The following VAV1 variants were observed in gnomAD, a reference collection of about 807,000 sequenced individuals.
VAV1 encodes the protein vav guanine nucleotide exchange factor 1, also known as proto-oncogene vav.
Under a neutral mutation model 128.1 loss-of-function variants are expected in VAV1, and 33 were observed. That is an observed-to-expected ratio of 0.26 (90% CI 0.20 to 0.34). The LOEUF (loss-of-function observed/expected upper bound fraction) is 0.34. Ranked by LOEUF, VAV1 falls within the 10% of genes least tolerant of loss-of-function variation. The pLI, the probability that VAV1 is intolerant of heterozygous loss-of-function variation, is 1.00. For missense variants in VAV1, 715 were observed against 1,093.7 expected, an observed-to-expected ratio of 0.65 and a Z score of 4.88; for synonymous variants, 394 against 409.8, an observed-to-expected ratio of 0.96 and a Z score of 0.47.
intron 8 of VAV1, 33 bp downstream of exon 8, chr19:6,825,439 G>A (rs1403851961): frequency 6.3e-7 from 1 of 1,578,830 alleles, no homozygotes; most frequent in Non-Finnish European, 8.7e-7. Context: ...GAAGCTCTGG[G>A]GTCACTCTGT....
chr19:6,826,831 CA>C lies in VAV1; in HGVS notation c.927+123del, dbSNP rs1971930403. 2 of 796,180 alleles carry C rather than the reference CA, an allele frequency of 2.5e-6. No individual in the cohort carries two copies. The highest frequency in any genetic ancestry group is 4.1e-6 in the Non-Finnish European group (2 of 482,888). The allele number at this position is 796,180 out of a possible 1,614,324, so 49.3% of individuals were successfully genotyped here. On this transcript the variant is annotated intron_variant, in intron 9 of 26. Transcript: ENST00000602142. The surrounding 1 kb of genome is among the most constrained non-coding windows in gnomAD (Gnocchi z 4.1). ...TGCTGCAGCCCAGCCAGAGATCCAC[CA>C]AAGGACTAGGGAGGGAGGTACTAGC...
chr19:6,774,049 G>T (rs1403104743), intron 1 of VAV1, among the ~76,000 whole-genome samples: 1 of 152,142 alleles, frequency 6.6e-6, no homozygotes, highest in African/African-American at 2.4e-5. Flanking sequence ...GCCCATGGGG[G>T]TTCCTGGCGG....
At chr19:6,829,099 A>G (rs542489991) in intron 13 of VAV1, among the ~76,000 whole-genome samples, 199 bp downstream of exon 13, 1 of 148,378 alleles carries the variant, frequency 6.7e-6, no homozygotes, top group South Asian at 2.1e-4. Flanking sequence ...CCAGGCTTCT[A>G]GATAGGCAGA....
In VAV1 at chr19:6,832,209, C is replaced by A. The variant is rs745605832; in HGVS notation, c.1508+9C>A. 10 of 1,613,154 alleles carry A rather than the reference C, an allele frequency of 6.2e-6. No homozygotes were observed. The highest frequency in any genetic ancestry group is 4.5e-5 in the East Asian group (2 of 44,864). On this transcript the variant is annotated intron_variant, in intron 15 of 26. Coordinates refer to ENST00000602142, the MANE Select transcript of VAV1 (RefSeq NM_005428.4). ...CAGTTTGAGATGGCCATGTGAGTCCCCGTCTTCCTCCCTCTTTCTGTCCAC... is the reference window on the plus strand; with the variant it reads ...CAGTTTGAGATGGCCATGTGAGTCCACGTCTTCCTCCCTCTTTCTGTCCAC...
intron 1 of VAV1, among the ~76,000 whole-genome samples, chr19:6,815,175 T>A (rs1971619826): frequency 6.6e-6 from 1 of 152,020 alleles, no homozygotes; most frequent in Non-Finnish European, 1.5e-5. Flanking sequence ...TGAGACAGGG[T>A]CTCATTGTGT....
At chr19:6,805,532 AG>A (rs1395388987) in intron 1 of VAV1, among the ~76,000 whole-genome samples, 1 of 151,102 alleles carries the variant, frequency 6.6e-6, no homozygotes, top group African/African-American at 2.4e-5. Flanking sequence ...ACTTGAGCCC[AG>A]GGGTTCGAGA....
intron 1 of VAV1, among the ~76,000 whole-genome samples, chr19:6,774,350 G>A (rs139972688): frequency 8.6e-4 from 128 of 148,752 alleles, no homozygotes; most frequent in African/African-American, 3.1e-3. Flanking sequence ...GGATGGTCTC[G>A]ATCTCCCGAC....
chr19:6,811,212 T>C (rs1203654230), intron 1 of VAV1, among the ~76,000 whole-genome samples: 1 of 152,116 alleles, frequency 6.6e-6, no homozygotes, highest in African/African-American at 2.4e-5. Flanking sequence ...ATTTTTGTAT[T>C]TTTAGTAGAG....
Position 6,828,325 on chromosome 19 carries a change from T to C in VAV1, c.1024-94T>C, listed in dbSNP as rs1214087331. The C allele has an allele frequency of 1.9e-6, 3 of 1,554,410 alleles. No individual in the cohort carries two copies. Among genetic ancestry groups the C allele is most frequent in the Non-Finnish European group, 2.7e-6 (3 of 1,131,286 alleles). ...TCAGCCTCCAGGGTCAGCAGTACGA[T>C]GGAGGAGCTGGTGAGCTAGCATTGT... On this transcript the variant is annotated intron_variant, in intron 10 of 26. Transcript: ENST00000602142. The surrounding 1 kb of genome is among the most constrained non-coding windows in gnomAD (Gnocchi z 4.5).
Position 6,780,883 on chromosome 19 carries a change from T to C in VAV1, c.204+7872T>C, listed in dbSNP as rs1013654573. Among the ~76,000 whole-genome samples, 10 of 149,984 alleles carry C rather than the reference T, an allele frequency of 6.7e-5. 2 individuals are homozygous for C. Among genetic ancestry groups the C allele is most frequent in the Admixed American group, 6.7e-5 (1 of 15,010 alleles). On this transcript the variant is annotated intron_variant, in intron 1 of 26. Coordinates refer to ENST00000602142, the MANE Select transcript of VAV1 (RefSeq NM_005428.4). ...GCCACCATGCCCAGGCGATTTCTTA[T>C]CATTTATACCATATTTTATACAAAG...
intron 14 of VAV1, among the ~76,000 whole-genome samples, chr19:6,831,850 G>A (rs993099225): frequency 2.1e-5 from 3 of 140,248 alleles, no homozygotes; most frequent in Non-Finnish European, 4.6e-5. Context: ...TTCTGCAAAG[G>A]GGAGTGTGTG....
intron 1 of VAV1, among the ~76,000 whole-genome samples, chr19:6,803,590 C>G (rs949516205): frequency 5.9e-5 from 9 of 152,082 alleles, no homozygotes; most frequent in African/African-American, 1.9e-4. Flanking sequence ...TAGAGATGGA[C>G]TTTTGCCCTT....
intron 1 of VAV1, among the ~76,000 whole-genome samples, chr19:6,787,136 C>T (rs1456889931): frequency 6.6e-6 from 1 of 151,454 alleles, no homozygotes; most frequent in Non-Finnish European, 1.5e-5. Context: ...CTCCTCCCCA[C>T]CCTTGGTCTT....
intron 1 of VAV1, among the ~76,000 whole-genome samples, chr19:6,795,403 A>T (rs1410021068): frequency 6.6e-6 from 1 of 152,026 alleles, no homozygotes; most frequent in Non-Finnish European, 1.5e-5. Context: ...TCATTGCAGG[A>T]TCGTTTTGAA....
rs1555699758 is a variant in VAV1 at position 6,800,792 on chromosome 19, T to TG, written c.205-19910_205-19909insG. On this transcript the variant is annotated intron_variant, in intron 1 of 26. Transcript: ENST00000602142. ...GCCTGTCACCACGCCTGGCAAATTT[T>TG]TGTGTGTGTGTGTGTGTGCAGTCGG... 8.4e-3 allele frequency among the ~76,000 whole-genome samples: 1,237 copies of TG among 147,710 alleles called. 13 individuals carry two copies. Among genetic ancestry groups the TG allele is most frequent in the African/African-American group, 0.021 (858 of 40,442 alleles).
chr19:6,850,225 GTTTT>G (rs760967154), intron 23 of VAV1, among the ~76,000 whole-genome samples: 5 of 49,034 alleles, frequency 1.0e-4, no homozygotes, highest in African/African-American at 6.5e-4. Flanking sequence ...TTGTTTCTTT[GTTTT>G]TTTTTTTTTT....
At position 6,824,456 on chromosome 19, in the gene VAV1, C is replaced by T. The variant is rs1599657706; in HGVS notation, c.655-597C>T. Among the ~76,000 whole-genome samples, 16 of 152,304 alleles carry T rather than the reference C, an allele frequency of 1.1e-4. No homozygotes were observed. In the South Asian group the frequency reaches 3.3e-3, roughly 32 times the overall value. ...TGCTGAGCGTAGTGTTTTCAAGGTT[C>T]ATCCACATTGTAGCCTGTGTCAGAG... On this transcript the variant is annotated intron_variant, in intron 6 of 26. Coordinates refer to ENST00000602142, the MANE Select transcript of VAV1 (RefSeq NM_005428.4).
intron 1 of VAV1, among the ~76,000 whole-genome samples, chr19:6,816,221 C>T (rs1313387397): frequency 5.3e-5 from 8 of 151,942 alleles, no homozygotes; most frequent in South Asian, 2.1e-4. Flanking sequence ...ATGGTTTCAC[C>T]GTGTTAATCA....
intron 21 of VAV1, among the ~76,000 whole-genome samples, chr19:6,837,728 T>C (rs1483574037): frequency 6.6e-6 from 1 of 152,194 alleles, no homozygotes; most frequent in East Asian, 1.9e-4. Context: ...ATTTGCTCTG[T>C]CATTTCCTCT....
Sources: gnomAD v4.1 joint callset for allele counts (sites outside exome capture counted in the v4.1 genomes callset) on GRCh38, gnomAD v4.1.1 for gene constraint, Gnocchi (gnomAD v3.1) non-coding constraint, MANE v1.5 for transcripts, NCBI Gene and HGNC (gene_info 2026-07-23, HGNC 2026-07-21) for gene names.